VPS13B: variants seen among roughly 807,000 people sequenced by gnomAD.
VPS13B encodes vacuolar protein sorting 13 homolog B.
A neutral mutation model predicts 426.4 loss-of-function variants in VPS13B; 285 were observed. The observed-to-expected ratio is 0.67, with a 90% CI of 0.61 to 0.74. VPS13B has a LOEUF of 0.74. Among genes scored for constraint, VPS13B ranks in the 30% least tolerant of loss-of-function variants. The pLI is 0.00. For missense variants in VPS13B, 4,537 were observed against 4,782.6 expected (o/e 0.95, Z 1.51); for synonymous variants, 1,676 against 1,676.4 (o/e 1.00, Z 0.01).
chr8:99,809,638 A>G (rs1813596495), intron 44 of VPS13B, 108 bp downstream of exon 44: 5 of 1,301,994 alleles, frequency 3.8e-6, no homozygotes, highest in South Asian at 1.2e-5. Context: ...GCCTAGTTAT[A>G]TCTACTACTA....
chr8:99,745,922 C>T (rs534623907), intron 39 of VPS13B, among the ~76,000 whole-genome samples: 15 of 152,002 alleles, frequency 9.9e-5, no homozygotes, highest in Admixed American at 7.9e-4. Flanking sequence ...ATATTTTTCC[C>T]CTATTGTCTC....
chr8:99,090,969 C>T (rs1254092524), intron 3 of VPS13B, among the ~76,000 whole-genome samples: 1 of 151,946 alleles, frequency 6.6e-6, no homozygotes, highest in African/African-American at 2.4e-5. Flanking sequence ...AGGTGGCAAT[C>T]GGATACACAC....
At chr8:99,696,259 G>T in intron 35 of VPS13B, 1 of 196,594 alleles carries the variant, frequency 5.1e-6, no homozygotes. Context: ...AGAACAAGAA[G>T]CTTGAGGAAG....
chr8:99,778,641 C>T, intron 41 of VPS13B, 41 bp from the exon 42 acceptor site: 1 of 1,548,180 alleles, frequency 6.5e-7, no homozygotes, highest in Non-Finnish European at 8.9e-7. Flanking sequence ...AAAATATTGG[C>T]TCATCTTAAT....
chr8:99,641,801 T>G lies in VPS13B; in HGVS notation c.5221-10T>G. ...CTAGTTTGAAATATTTTATTACTTT[T>G]TTCTTACAGATCTCTAAACAAGAAC... is the stretch of plus-strand genomic sequence containing the variant. On this transcript the variant is annotated splice_polypyrimidine_tract_variant and intron_variant, in intron 33 of 61. Coordinates refer to ENST00000357162, the MANE Select transcript of VPS13B (RefSeq NM_152564.5). The G allele has an allele frequency of 6.2e-7, 1 of 1,604,360 alleles. No homozygotes were observed. Among genetic ancestry groups the G allele is most frequent in the East Asian group, 2.2e-5 (1 of 44,504 alleles).
intron 40 of VPS13B, among the ~76,000 whole-genome samples, chr8:99,773,816 G>A (rs1007875407): frequency 5.9e-5 from 9 of 152,114 alleles, no homozygotes; most frequent in African/African-American, 1.9e-4. Context: ...AGTCTTCTGG[G>A]AAAAGGGGAA....
chr8:99,771,284 G>A (rs1054795741), intron 40 of VPS13B, among the ~76,000 whole-genome samples: 1 of 152,134 alleles, frequency 6.6e-6, no homozygotes, highest in African/African-American at 2.4e-5. Flanking sequence ...CAATATTAAA[G>A]CATGTGAGAG....
chr8:99,232,252 C>T (rs984471699), intron 17 of VPS13B, among the ~76,000 whole-genome samples: 2 of 151,826 alleles, frequency 1.3e-5, no homozygotes, highest in Admixed American at 6.6e-5. Context: ...TAGCAGTATG[C>T]GAAAAACCAG....
chr8:99,209,674 C>G, intron 17 of VPS13B: 1 of 910,662 alleles, frequency 1.1e-6, no homozygotes, highest in South Asian at 4.3e-5. Flanking sequence ...CCTGAAGTGC[C>G]GGGATTGGAG....
intron 37 of VPS13B, among the ~76,000 whole-genome samples, chr8:99,718,646 T>G (rs539872631): frequency 2.0e-4 from 30 of 152,052 alleles, no homozygotes; most frequent in Admixed American, 3.9e-4. Context: ...ATGGAGACAT[T>G]AAATGTGAAT....
rs761111257 is a variant in VPS13B at position 99,115,916 on chromosome 8, T to C, written c.937+42T>C. On this transcript the variant is annotated intron_variant, in intron 7 of 61. Coordinates refer to ENST00000357162, the MANE Select transcript of VPS13B (RefSeq NM_152564.5). ...TTAAACAAAAACTTTATTTTAAGAC[T>C]ATTCTTACGTTTTACCATTGGGAAA... The C allele has an allele frequency of 5.0e-6, 8 of 1,590,118 alleles. No individual in the cohort carries two copies. In the Admixed American group the frequency reaches 1.0e-4, roughly 20 times the overall value.
rs576846412 is a variant in VPS13B, at chr8:99,085,494, A to T, written c.292-10818A>T. Among the ~76,000 whole-genome samples, 7 of 152,300 alleles carry T rather than the reference A, an allele frequency of 4.6e-5. No homozygotes were observed. The South Asian group carries it at 8.3e-4, about 18-fold the overall frequency. The stretch of plus-strand genomic sequence containing the variant: ...TGTTATGTGTGAATTTGATCCTGTC[A>T]GTATGATGTTAGCTGATTATTTTGT... On this transcript the variant is annotated intron_variant, in intron 3 of 61. Transcript: ENST00000357162.
intron 20 of VPS13B, among the ~76,000 whole-genome samples, chr8:99,385,299 A>G (rs1343909608): frequency 6.6e-6 from 1 of 152,226 alleles, no homozygotes; most frequent in Non-Finnish European, 1.5e-5. Context: ...GCTTTATTGA[A>G]TTATAATTTC....
chr8:99,310,577 G>C (rs1414900194), intron 19 of VPS13B, among the ~76,000 whole-genome samples: 1 of 152,194 alleles, frequency 6.6e-6, no homozygotes, highest in Non-Finnish European at 1.5e-5. Flanking sequence ...TGTGTTGCTG[G>C]ATTCGGTTTG....
chr8:99,832,119 G>A (rs546561976), intron 51 of VPS13B, among the ~76,000 whole-genome samples: 3 of 151,866 alleles, frequency 2.0e-5, no homozygotes, highest in Non-Finnish European at 4.4e-5. Context: ...AAAATTAGCC[G>A]GGCGTGGTGG....
chr8:99,377,422 AT>A (rs1813548699), intron 19 of VPS13B, among the ~76,000 whole-genome samples: 1 of 152,104 alleles, frequency 6.6e-6, no homozygotes, highest in South Asian at 2.1e-4. Flanking sequence ...TGTATCTTCC[AT>A]TTCCTTAATT....
In VPS13B at chr8:99,133,239, C is replaced by T. The variant is rs113942344; in HGVS notation, c.1207-1393C>T. The stretch of plus-strand genomic sequence containing the variant: ...CGCTTTTATGGTATGGAGACGTCTT[C>T]GTTCCATAAGGCTCATGAACAGACC... On this transcript the variant is annotated intron_variant, in intron 8 of 61. Coordinates refer to ENST00000357162, the MANE Select transcript of VPS13B (RefSeq NM_152564.5). 5.4e-3 allele frequency among the ~76,000 whole-genome samples: 815 copies of T among 152,290 alleles called. 11 individuals are homozygous for T. The highest frequency in any genetic ancestry group is 0.018 in the African/African-American group (734 of 41,564).
intron 3 of VPS13B, among the ~76,000 whole-genome samples, chr8:99,075,588 CTG>C (rs1322486849): frequency 6.6e-6 from 1 of 152,120 alleles, no homozygotes; most frequent in East Asian, 1.9e-4. Context: ...TTCAGGTTTT[CTG>C]TTTCTTTCTG....
In VPS13B at chr8:99,321,453, C is replaced by G. The variant is rs1021338014; in HGVS notation, c.2824+46199C>G. On this transcript the variant is annotated intron_variant, in intron 19 of 61. Transcript: ENST00000357162. ...GACCTCCTGACCTTAAGTGATTCAC[C>G]TGCCTCAGCCTCCCAAAGTGTTGGG... Among the ~76,000 whole-genome samples the G allele has an allele frequency of 4.6e-5, 7 of 152,190 alleles. No individual in the cohort carries two copies. In the South Asian group the frequency reaches 6.2e-4, roughly 14 times the overall value.
Sources: allele counts gnomAD v4.1 joint callset (sites outside exome capture counted in the v4.1 genomes callset), GRCh38; gene constraint gnomAD v4.1.1; transcripts MANE v1.5; gene names NCBI Gene and HGNC (gene_info 2026-07-23, HGNC 2026-07-21).